The following AMOTL1 variants were observed in gnomAD, a reference collection of about 807,000 sequenced individuals.
AMOTL1 encodes the protein angiomotin-like protein 1.
Under a neutral mutation model 102.9 loss-of-function variants are expected in AMOTL1, and 45 were observed. That is an observed-to-expected ratio of 0.44 (90% CI 0.34 to 0.56). AMOTL1 has a LOEUF of 0.56. Ranked by LOEUF, AMOTL1 falls within the 20% of genes least tolerant of loss-of-function variation. The probability of loss-of-function intolerance (pLI) is 0.01; values close to 1 mark genes in which losing one functional copy is unlikely to be tolerated. For synonymous variants in AMOTL1, 481 were observed against 484.7 expected (o/e 0.99, Z 0.10); for missense variants, 1,114 against 1,225.6 (o/e 0.91, Z 1.36).
chr11:94,742,054 G>A (rs1950534761), intron 3 of AMOTL1, among the ~76,000 whole-genome samples: 1 of 152,130 alleles, frequency 6.6e-6, no homozygotes, highest in Non-Finnish European at 1.5e-5. Context: ...GGAGCCAAGC[G>A]CCCAAAATAG....
intron 1 of AMOTL1, among the ~76,000 whole-genome samples, chr11:94,782,164 A>G (rs1003182926): frequency 2.0e-5 from 3 of 152,240 alleles, no homozygotes; most frequent in African/African-American, 7.2e-5. Flanking sequence ...ATCCATATTT[A>G]CTTGAAAGAA....
Position 94,866,134 on chromosome 11 carries a change from A to G in AMOTL1, c.2454A>G (p.Glu818=). Residue 818 remains glutamate (E), a synonymous_variant, in exon 11 of 13, where the codon GAA becomes GAG. Coordinates refer to ENST00000433060, the MANE Select transcript of AMOTL1 (RefSeq NM_130847.3). ...TSLTSSQLAE[E]KKEEKTWKGS... The stretch of plus-strand genomic sequence containing the variant: ...TTACCAGCAGCCAGCTGGCTGAGGA[A>G]AAGAAGGAAGAGAAGACCTGGAAGG... 1 of 1,614,038 alleles carries G rather than the reference A, an allele frequency of 6.2e-7. No homozygotes were observed.
chr11:94,726,558 G>A (rs1240136874), intron 1 of AMOTL1, among the ~76,000 whole-genome samples: 3 of 71,982 alleles, frequency 4.2e-5, no homozygotes, highest in African/African-American at 1.1e-4. Flanking sequence ...TAGTATTTGT[G>A]CTGTCATTAG....
rs115487094 is a variant in AMOTL1, at chr11:94,852,342, A to G, written c.1795-1591A>G. ...CAGGATATAGGTATAACTCACAGCA[A>G]TGCTGCCTGCTGAGTCAGAAAGCTC... On this transcript the variant is annotated intron_variant, in intron 7 of 12. Coordinates refer to ENST00000433060, the MANE Select transcript of AMOTL1 (RefSeq NM_130847.3). Among the ~76,000 whole-genome samples the G allele has an allele frequency of 3.0e-3, 455 of 152,380 alleles. 3 individuals are homozygous for G. Among genetic ancestry groups the G allele is most frequent in the African/African-American group, 0.01 (435 of 41,590 alleles).
intron 8 of AMOTL1, among the ~76,000 whole-genome samples, chr11:94,857,339 A>G (rs955345610): frequency 6.6e-6 from 1 of 152,198 alleles, no homozygotes; most frequent in African/African-American, 2.4e-5. Context: ...CCCTCTCCCA[A>G]ATTCCACCCT....
chr11:94,776,979 T>C (rs530047536), intron 1 of AMOTL1, among the ~76,000 whole-genome samples: 1 of 152,366 alleles, frequency 6.6e-6, no homozygotes, highest in South Asian at 2.1e-4. Flanking sequence ...ATGTGCTTTT[T>C]ATGGAAATTA....
chr11:94,807,926 C>G (rs1241537354), intron 3 of AMOTL1, among the ~76,000 whole-genome samples: 2 of 131,966 alleles, frequency 1.5e-5, no homozygotes, highest in African/African-American at 5.9e-5. Flanking sequence ...AGAAGAGACA[C>G]AGCTGTGGTT....
chr11:94,858,262 A>G (rs1009719768), intron 8 of AMOTL1, among the ~76,000 whole-genome samples: 1 of 152,158 alleles, frequency 6.6e-6, no homozygotes, highest in East Asian at 1.9e-4. Flanking sequence ...CCCTTTATGC[A>G]CAGGTCAGGT....
chr11:94,713,552 TA>T (rs942864510), intron 1 of AMOTL1, among the ~76,000 whole-genome samples: 6 of 151,926 alleles, frequency 3.9e-5, no homozygotes, highest in African/African-American at 1.2e-4. Context: ...TTGTTTTTTT[TA>T]ATGAATATTT....
chr11:94,793,665 G>A (rs762114785), intron 1 of AMOTL1, among the ~76,000 whole-genome samples: 1 of 152,330 alleles, frequency 6.6e-6, no homozygotes, highest in African/African-American at 2.4e-5. Flanking sequence ...TAGACGTAGA[G>A]GATGATGCCC....
chr11:94,863,787 T>G (rs1020044242), intron 9 of AMOTL1, among the ~76,000 whole-genome samples: 4 of 152,226 alleles, frequency 2.6e-5, no homozygotes, highest in African/African-American at 9.6e-5. Flanking sequence ...TTAGTAGTAA[T>G]TAAATTGTCA....
intron 1 of AMOTL1, among the ~76,000 whole-genome samples, chr11:94,784,547 T>C (rs1293972676): frequency 2.6e-5 from 4 of 152,216 alleles, no homozygotes; most frequent in African/African-American, 9.6e-5. Flanking sequence ...TTATAGGAAG[T>C]ATTCTTCACA....
intron 3 of AMOTL1, among the ~76,000 whole-genome samples, chr11:94,809,766 A>C (rs1008944620): frequency 7.2e-5 from 11 of 152,236 alleles, no homozygotes; most frequent in African/African-American, 2.7e-4. Flanking sequence ...TTCTAATTAC[A>C]TTTCACGAAT....
chr11:94,830,549 C>T (rs150551208), intron 5 of AMOTL1, among the ~76,000 whole-genome samples: 1 of 152,238 alleles, frequency 6.6e-6, no homozygotes, highest in Admixed American at 6.5e-5. Context: ...GACGCACAAC[C>T]CTTTCCACAT....
intron 2 of AMOTL1, among the ~76,000 whole-genome samples, chr11:94,738,016 A>G (rs1591914558): frequency 6.6e-6 from 1 of 152,268 alleles, no homozygotes; most frequent in East Asian, 1.9e-4. Flanking sequence ...GTATGTCTGT[A>G]TACTGACAGG....
chr11:94,850,055 T>C, intron 6 of AMOTL1, 59 bp from the exon 7 acceptor site: 1 of 1,508,094 alleles, frequency 6.6e-7, no homozygotes, highest in Non-Finnish European at 8.9e-7. Flanking sequence ...CGACTGGCCG[T>C]GAGCCCAGAG....
chr11:94,755,833 C>A (rs1950717223), intron 3 of AMOTL1, among the ~76,000 whole-genome samples: 1 of 152,138 alleles, frequency 6.6e-6, no homozygotes, highest in Admixed American at 6.5e-5. Context: ...TTCAGTTTTG[C>A]TGTCTGCAGG....
In AMOTL1 at chr11:94,768,429, G is replaced by T; in HGVS notation, c.-83G>T. 6.5e-7 allele frequency: 1 copy of T among 1,543,460 alleles called. No individual in the cohort carries two copies. Among genetic ancestry groups the T allele is most frequent in the Admixed American group, 2.0e-5 (1 of 50,826 alleles). On this transcript the variant is annotated 5_prime_UTR_variant, in exon 1 of 13. Coordinates refer to ENST00000433060, the MANE Select transcript of AMOTL1 (RefSeq NM_130847.3). ...TGGAGGTGAAGCCCTGTGTGAATGG[G>T]GTTGATTGTCCGGCGCCACTTCCCC...
chr11:94,774,535 C>T (rs897872040), intron 1 of AMOTL1, among the ~76,000 whole-genome samples: 1 of 152,140 alleles, frequency 6.6e-6, no homozygotes, highest in Non-Finnish European at 1.5e-5. Flanking sequence ...GTTTACTTCT[C>T]AGAGGAAATT....
Sources: gnomAD v4.1 joint callset for allele counts (sites outside exome capture counted in the v4.1 genomes callset) on GRCh38, gnomAD v4.1.1 for gene constraint, MANE v1.5 for transcripts, NCBI Gene and HGNC (gene_info 2026-07-23, HGNC 2026-07-21) for gene names.